Variants in PRKG2 observed in about 807,000 individuals in gnomAD.
PRKG2 encodes the protein protein kinase cGMP-dependent 2, also known as cGMP-dependent protein kinase 2.
In PRKG2, 33 loss-of-function variants were observed where a neutral mutation model predicts 97.2. The observed-to-expected ratio is 0.34, with a 90% CI of 0.26 to 0.45. The LOEUF is 0.45. Among genes scored for constraint, PRKG2 ranks in the 20% least tolerant of loss-of-function variants. PRKG2 has a pLI of 1.00. For missense variants in PRKG2, 638 were observed against 900.0 expected (o/e 0.71, Z 3.73); for synonymous variants, 330 against 321.8 (o/e 1.03, Z -0.27).
intron 5 of PRKG2, 25 bp from the exon 6 acceptor site, chr4:81,167,249 A>T: frequency 6.9e-7 from 1 of 1,450,372 alleles, no homozygotes; most frequent in Non-Finnish European, 9.5e-7. Flanking sequence ...AGAAACCTTC[A>T]ATTACCTTCC....
intron 15 of PRKG2, among the ~76,000 whole-genome samples, chr4:81,106,223 A>G (rs1191114413): frequency 6.6e-6 from 1 of 152,174 alleles, no homozygotes; most frequent in East Asian, 1.9e-4. Flanking sequence ...TGATTTTTTG[A>G]GATACAGTAA....
chr4:81,100,251 G>A (rs1305762030), intron 17 of PRKG2, among the ~76,000 whole-genome samples: 3 of 152,132 alleles, frequency 2.0e-5, no homozygotes, highest in Non-Finnish European at 4.4e-5. Context: ...AGCCCGGATT[G>A]CCAAGTCAAT....
intron 3 of PRKG2, among the ~76,000 whole-genome samples, chr4:81,173,131 G>T (rs1349096122): frequency 6.6e-6 from 1 of 152,042 alleles, no homozygotes; most frequent in African/African-American, 2.4e-5. Flanking sequence ...AAAAGTTAAA[G>T]CTAAATATGC....
chr4:81,196,886 G>A (rs1043913763), intron 2 of PRKG2, among the ~76,000 whole-genome samples: 4 of 152,100 alleles, frequency 2.6e-5, no homozygotes, highest in Admixed American at 6.6e-5. Context: ...AGACTTTAAT[G>A]AAAAGAAACA....
chr4:81,155,711 T>C (rs939538289), intron 6 of PRKG2, among the ~76,000 whole-genome samples: 4 of 151,580 alleles, frequency 2.6e-5, no homozygotes, highest in African/African-American at 9.7e-5. Context: ...GGGAAGCCCA[T>C]CAGACTAACA....
chr4:81,167,497 T>C (rs989763513), intron 5 of PRKG2, among the ~76,000 whole-genome samples: 2 of 152,130 alleles, frequency 1.3e-5, no homozygotes, highest in Non-Finnish European at 2.9e-5. Context: ...TTTGTCTATT[T>C]GGTAAAAATA....
At chr4:81,109,408 G>A (rs1203456446) in intron 15 of PRKG2, among the ~76,000 whole-genome samples, 4 of 152,146 alleles carry the variant, frequency 2.6e-5, no homozygotes, top group Non-Finnish European at 4.4e-5. Context: ...GTTATAAAGG[G>A]TTATAAGGAT....
At chr4:81,101,281 G>A (rs529372401) in intron 17 of PRKG2, among the ~76,000 whole-genome samples, 3 of 152,214 alleles carry the variant, frequency 2.0e-5, no homozygotes, top group South Asian at 4.2e-4. Flanking sequence ...GTTTATTGGG[G>A]CACTATTCAC....
chr4:81,146,310 G>A (rs916042517), intron 9 of PRKG2, among the ~76,000 whole-genome samples: 2 of 152,130 alleles, frequency 1.3e-5, no homozygotes, highest in Non-Finnish European at 2.9e-5. Flanking sequence ...CTACAAAATT[G>A]TTGCTGTGAT....
chr4:81,120,273 C>T (rs562511229), intron 14 of PRKG2, among the ~76,000 whole-genome samples: 17 of 152,106 alleles, frequency 1.1e-4, no homozygotes, highest in Non-Finnish European at 2.1e-4. Context: ...CTTTTTTTGT[C>T]TGTACATTTG....
intron 14 of PRKG2, among the ~76,000 whole-genome samples, chr4:81,111,228 A>C (rs1373128497): frequency 2.6e-5 from 4 of 152,066 alleles, no homozygotes; most frequent in Non-Finnish European, 4.4e-5. Flanking sequence ...TCTGGGCTCT[A>C]TACACTTCTT....
At chr4:81,188,776 A>C (rs1408276781) in intron 2 of PRKG2, among the ~76,000 whole-genome samples, 1 of 110,568 alleles carries the variant, frequency 9.0e-6, no homozygotes, top group Non-Finnish European at 1.6e-5. Context: ...CGCAAGAACA[A>C]AAAACGAAAC....
intron 9 of PRKG2, among the ~76,000 whole-genome samples, chr4:81,146,314 C>T (rs562786250): frequency 2.0e-5 from 3 of 152,250 alleles, no homozygotes; most frequent in Admixed American, 2.0e-4. Flanking sequence ...AAAATTGTTG[C>T]TGTGATATTC....
upstream of PRKG2, among the ~76,000 whole-genome samples, chr4:81,217,146 A>G (rs788858): frequency 0.42 from 63,116 of 149,996 alleles, 16,333 homozygotes; most frequent in African/African-American, 0.74. Context: ...ATTGTGAATA[A>G]TGCTGCAAAG....
At chr4:81,181,959 G>A (rs935421856) in intron 2 of PRKG2, among the ~76,000 whole-genome samples, 6 of 151,810 alleles carry the variant, frequency 4.0e-5, no homozygotes, top group Non-Finnish European at 7.4e-5. Context: ...TAGCAATAAA[G>A]AAACTAAATC....
intron 6 of PRKG2, among the ~76,000 whole-genome samples, chr4:81,156,204 A>G (rs1254399656): frequency 6.6e-6 from 1 of 152,194 alleles, no homozygotes; most frequent in African/African-American, 2.4e-5. Context: ...GCAGAGACAC[A>G]CATAGGCTCA....
intron 14 of PRKG2, among the ~76,000 whole-genome samples, chr4:81,111,510 A>T (rs921665728): frequency 3.3e-5 from 5 of 152,156 alleles, no homozygotes; most frequent in Non-Finnish European, 7.4e-5. Context: ...ATAGGGCAAA[A>T]ATCATATATG....
chr4:81,167,124 T>G, intron 6 of PRKG2, 37 bp downstream of exon 6: 1 of 1,356,996 alleles, frequency 7.4e-7, no homozygotes, highest in African/African-American at 1.5e-5. Context: ...TCTAATATCT[T>G]CTAATGAAAT....
At chr4:81,160,030 A>T (rs1392060091) in intron 6 of PRKG2, among the ~76,000 whole-genome samples, 2 of 151,860 alleles carry the variant, frequency 1.3e-5, no homozygotes, top group Non-Finnish European at 2.9e-5. Flanking sequence ...TAGTGGGTGC[A>T]GCGCACCAGC....
Sources: allele counts gnomAD v4.1 joint callset (sites outside exome capture counted in the v4.1 genomes callset), GRCh38; gene constraint gnomAD v4.1.1; transcripts MANE v1.5; gene names NCBI Gene and HGNC (gene_info 2026-07-23, HGNC 2026-07-21).